The following THSD4 variants were observed in gnomAD, a reference collection of about 807,000 sequenced individuals.
THSD4 encodes the protein thrombospondin type 1 domain containing 4.
THSD4 carries 69 observed loss-of-function variants against 119.0 expected under a neutral mutation model. The ratio of observed to expected loss-of-function variants is 0.58; its 90% CI spans 0.48 to 0.71. THSD4 has a LOEUF of 0.71. Among genes scored for constraint, THSD4 ranks in the 30% least tolerant of loss-of-function variants. The pLI, the probability that THSD4 is intolerant of heterozygous loss-of-function variation, is 0.00. For synonymous variants in THSD4, 524 were observed against 540.4 expected (o/e 0.97, Z 0.42); for missense variants, 1,393 against 1,391.1 (o/e 1.00, Z -0.02).
intron 7 of THSD4, among the ~76,000 whole-genome samples, chr15:71,459,867 A>G (rs1008018677): frequency 2.6e-5 from 4 of 152,178 alleles, no homozygotes; most frequent in Non-Finnish European, 5.9e-5. Flanking sequence ...AGCTTTATAC[A>G]TTTAATTTTT....
chr15:71,549,396 T>C (rs947497782), intron 7 of THSD4, among the ~76,000 whole-genome samples: 6 of 152,142 alleles, frequency 3.9e-5, no homozygotes, highest in African/African-American at 1.4e-4. Context: ...GTTTCTGTGC[T>C]GTTGGCTCCA....
chr15:71,107,107 G>A (rs1368182150), intron 1 of THSD4, among the ~76,000 whole-genome samples: 1 of 152,156 alleles, frequency 6.6e-6, no homozygotes, highest in African/African-American at 2.4e-5. Flanking sequence ...AGCACAGCAA[G>A]GCTCCAAGTG....
At position 71,468,213 on chromosome 15, in the gene THSD4, G is replaced by A. The variant is rs189311893; in HGVS notation, c.1152+56390G>A. Among the ~76,000 whole-genome samples the A allele has an allele frequency of 1.3e-3, 191 of 152,332 alleles. 1 individual carries two copies. Among genetic ancestry groups the A allele is most frequent in the African/African-American group, 4.0e-3 (165 of 41,570 alleles). On this transcript the variant is annotated intron_variant, in intron 7 of 17. Coordinates refer to ENST00000261862, the MANE Select transcript of THSD4 (RefSeq NM_024817.3). ...CTCTCTCTTGCCTGCTGCCATGTAA[G>A]ATGTGTCTTGCTTCCCCTTCGCCTT...
At chr15:71,306,372 C>T (rs192851450) in intron 6 of THSD4, among the ~76,000 whole-genome samples, 1 of 145,066 alleles carries the variant, frequency 6.9e-6, no homozygotes, top group African/African-American at 2.5e-5. Flanking sequence ...GATGCCTTCT[C>T]TTATGGCCAG....
chr15:71,597,795 G>A (rs887121045), intron 7 of THSD4, among the ~76,000 whole-genome samples: 5 of 152,068 alleles, frequency 3.3e-5, no homozygotes, highest in African/African-American at 9.7e-5. Flanking sequence ...ATCCCTTCTC[G>A]TCCCCAGGCG....
chr15:71,243,989 G>A (rs1384303142), intron 5 of THSD4, among the ~76,000 whole-genome samples: 1 of 151,576 alleles, frequency 6.6e-6, no homozygotes, highest in Admixed American at 6.6e-5. Flanking sequence ...GTTTCACTAT[G>A]TTGGCCAGGA....
intron 6 of THSD4, among the ~76,000 whole-genome samples, chr15:71,384,892 G>GT (rs1566964091): frequency 6.6e-6 from 1 of 152,190 alleles, no homozygotes; most frequent in Non-Finnish European, 1.5e-5. Context: ...TATGTTGAAT[G>GT]TTGGCCTTGG....
At chr15:71,746,701 G>C in intron 12 of THSD4, 137 bp from the exon 13 acceptor site, 1 of 977,986 alleles carries the variant, frequency 1.0e-6, no homozygotes, top group Non-Finnish European at 1.5e-6. Context: ...AGCCTAGGCT[G>C]ACTTTCAAGC....
chr15:71,619,124 C>G (rs533529338), intron 7 of THSD4, among the ~76,000 whole-genome samples: 67 of 152,024 alleles, frequency 4.4e-4, no homozygotes, highest in African/African-American at 1.6e-3. Flanking sequence ...TGCCCACCAC[C>G]ACGCCCGGCT....
intron 8 of THSD4, among the ~76,000 whole-genome samples, chr15:71,718,359 G>A (rs8033309): frequency 0.18 from 27,366 of 151,980 alleles, 3,695 homozygotes; most frequent in African/African-American, 0.38. Flanking sequence ...TTCCCTGCTC[G>A]TAGCAAGTGG....
At chr15:71,206,911 A>C (rs2043848360) in intron 3 of THSD4, among the ~76,000 whole-genome samples, 1 of 152,202 alleles carries the variant, frequency 6.6e-6, no homozygotes, top group African/African-American at 2.4e-5. Flanking sequence ...TCCTGGGTCC[A>C]GCTTCAGTAA....
intron 6 of THSD4, among the ~76,000 whole-genome samples, chr15:71,357,719 G>C (rs142752182): frequency 1.3e-5 from 2 of 152,152 alleles, no homozygotes; most frequent in African/African-American, 4.8e-5. Flanking sequence ...TTCCAGATAC[G>C]GGGACAGAGA....
intron 7 of THSD4, among the ~76,000 whole-genome samples, chr15:71,473,069 T>TC (rs1272522329): frequency 1.3e-5 from 2 of 151,504 alleles, no homozygotes; most frequent in African/African-American, 4.9e-5. Context: ...TTTTTTTTTT[T>TC]TTTTTGAGAC....
intron 6 of THSD4, among the ~76,000 whole-genome samples, chr15:71,295,270 C>T (rs2140330023): frequency 6.6e-6 from 1 of 152,286 alleles, no homozygotes; most frequent in East Asian, 1.9e-4. Flanking sequence ...AGTGAAGTGA[C>T]TGGCCCAGGA....
At chr15:71,148,158 C>T (rs966428771) in intron 2 of THSD4, among the ~76,000 whole-genome samples, 1 of 152,126 alleles carries the variant, frequency 6.6e-6, no homozygotes, top group Non-Finnish European at 1.5e-5. Flanking sequence ...TCACTCTGCG[C>T]GAGCCAGGCA....
chr15:71,165,068 T>A, intron 3 of THSD4: 8 of 1,607,702 alleles, frequency 5.0e-6, no homozygotes, highest in Non-Finnish European at 6.8e-6. Flanking sequence ...CAGGCCAGGA[T>A]GTTCTCCTTT....
chr15:71,214,381 C>G (rs2043912731), intron 3 of THSD4, among the ~76,000 whole-genome samples: 1 of 152,246 alleles, frequency 6.6e-6, no homozygotes. Context: ...TGAGTCAGTG[C>G]TACCTTTGTG....
intron 3 of THSD4, chr15:71,165,250 G>T: frequency 1.3e-6 from 2 of 1,562,784 alleles, no homozygotes; most frequent in South Asian, 1.1e-5. Flanking sequence ...ATTTTCCTTT[G>T]TCTTTAGCAG....
chr15:71,379,450 CTTTTTTT>C (rs34326932), intron 6 of THSD4, among the ~76,000 whole-genome samples: 14 of 77,586 alleles, frequency 1.8e-4, no homozygotes, highest in East Asian at 4.4e-4. Flanking sequence ...CAAATGGCTT[CTTTTTTT>C]TTTTTTTTTT....
Sources: allele counts gnomAD v4.1 joint callset (sites outside exome capture counted in the v4.1 genomes callset), GRCh38; gene constraint gnomAD v4.1.1; transcripts MANE v1.5; gene names NCBI Gene and HGNC (gene_info 2026-07-23, HGNC 2026-07-21).